THEMIS: variants seen among roughly 807,000 people sequenced by gnomAD.
The protein encoded by THEMIS is protein THEMIS.
Under a neutral mutation model 52.6 loss-of-function variants are expected in THEMIS, and 37 were observed. The ratio of observed to expected loss-of-function variants is 0.70; its 90% CI spans 0.54 to 0.93. The LOEUF is 0.93. THEMIS is among the 40% of genes least tolerant of loss of function. THEMIS has a pLI of 0.00. For missense variants in THEMIS, 808 were observed against 763.1 expected, an observed-to-expected ratio of 1.06 and a Z score of -0.69; for synonymous variants, 292 against 272.7, an observed-to-expected ratio of 1.07 and a Z score of -0.70.
intron 2 of THEMIS, among the ~76,000 whole-genome samples, chr6:127,843,442 A>G (rs1779116850): frequency 6.6e-6 from 1 of 152,040 alleles, no homozygotes. Flanking sequence ...GAGATGTACT[A>G]TAAGTGGAAA....
intron 4 of THEMIS, among the ~76,000 whole-genome samples, chr6:127,787,436 C>T (rs1562257369): frequency 6.6e-6 from 1 of 152,190 alleles, no homozygotes; most frequent in Non-Finnish European, 1.5e-5. Flanking sequence ...CACTCTGCTG[C>T]ACCCATGTCA....
chr6:127,711,538 T>G (rs558162650), intron 5 of THEMIS, among the ~76,000 whole-genome samples: 1 of 152,082 alleles, frequency 6.6e-6, no homozygotes, highest in East Asian at 1.9e-4. Flanking sequence ...GAACCTGGAT[T>G]GCATACTCTC....
chr6:127,848,843 A>G (rs2114259515), intron 2 of THEMIS, among the ~76,000 whole-genome samples: 1 of 152,254 alleles, frequency 6.6e-6, no homozygotes, highest in East Asian at 1.9e-4. Flanking sequence ...TCAGATGAGT[A>G]GATTGCAAAA....
intron 3 of THEMIS, among the ~76,000 whole-genome samples, chr6:127,825,643 TTA>T (rs1483695938): frequency 6.6e-6 from 1 of 152,162 alleles, no homozygotes; most frequent in African/African-American, 2.4e-5. Context: ...ATCACCAGGA[TTA>T]TTTTAAATGG....
intron 1 of THEMIS, among the ~76,000 whole-genome samples, chr6:127,857,882 C>A (rs1779670338): frequency 6.6e-6 from 1 of 151,944 alleles, no homozygotes; most frequent in Admixed American, 6.6e-5. Context: ...AAGCACTGGG[C>A]ATCATTGAGT....
chr6:127,914,102 T>A (rs1781468919), intron 1 of THEMIS, among the ~76,000 whole-genome samples: 1 of 152,202 alleles, frequency 6.6e-6, no homozygotes, highest in Non-Finnish European at 1.5e-5. Flanking sequence ...ATAACCTGAA[T>A]GTAATTTTAT....
At chr6:127,776,470 A>G (rs1776567988) in intron 4 of THEMIS, among the ~76,000 whole-genome samples, 1 of 152,224 alleles carries the variant, frequency 6.6e-6, no homozygotes, top group Non-Finnish European at 1.5e-5. Flanking sequence ...GGCTCATGTG[A>G]CTGACCTGGA....
downstream of THEMIS, among the ~76,000 whole-genome samples, chr6:127,704,215 G>A (rs538267137): frequency 6.6e-6 from 1 of 152,246 alleles, no homozygotes; most frequent in Admixed American, 6.5e-5. Flanking sequence ...AGGCTTTTGG[G>A]GTTGGATAGG....
intron 4 of THEMIS, among the ~76,000 whole-genome samples, chr6:127,757,673 C>T (rs1041034825): frequency 2.0e-5 from 3 of 151,970 alleles, no homozygotes; most frequent in Non-Finnish European, 4.4e-5. Flanking sequence ...TTAGTAGAGA[C>T]GGGGTTTCAC....
chr6:127,748,907 CAGA>C (rs1775540847), intron 4 of THEMIS, among the ~76,000 whole-genome samples: 2 of 151,924 alleles, frequency 1.3e-5, no homozygotes, highest in African/African-American at 2.4e-5. Context: ...GATTAAAAGC[CAGA>C]AGATGTGAGC....
chr6:127,819,747 T>C (rs1364629638), intron 3 of THEMIS, among the ~76,000 whole-genome samples: 1 of 152,102 alleles, frequency 6.6e-6, no homozygotes, highest in African/African-American at 2.4e-5. Flanking sequence ...ATTCAGGGAA[T>C]TTGTCACCAG....
intron 4 of THEMIS, among the ~76,000 whole-genome samples, chr6:127,794,526 G>A (rs914293645): frequency 6.6e-6 from 1 of 152,156 alleles, no homozygotes; most frequent in Non-Finnish European, 1.5e-5. Context: ...CAGGGTCTTA[G>A]TATGTTGTCC....
In THEMIS at chr6:127,709,851, T is replaced by C; in HGVS notation, c.*134A>G. ...TATCTGTTAAAAGTTTTAAGGTTGT[T>C]CTTTCCTTTGCAGCGATGAATCAAG... On this transcript the variant is annotated 3_prime_UTR_variant, in exon 6 of 6. Transcript: ENST00000368248. 1.4e-6 allele frequency: 1 copy of C among 725,472 alleles called. No homozygotes were observed. Among genetic ancestry groups the C allele is most frequent in the Non-Finnish European group, 2.3e-6 (1 of 442,086 alleles). The allele number at this position is 725,472 out of a possible 1,614,324, so 44.9% of individuals were successfully genotyped here. A position where few individuals can be genotyped will look rare whatever the true frequency, so the allele number is the denominator to read the frequency against.
At chr6:127,784,659 T>C (rs991819547) in intron 4 of THEMIS, among the ~76,000 whole-genome samples, 1 of 152,150 alleles carries the variant, frequency 6.6e-6, no homozygotes, top group East Asian at 1.9e-4. Flanking sequence ...CTTTTGTTTT[T>C]TAATGTCATG....
chr6:127,716,396 G>A (rs1016975337), intron 5 of THEMIS, among the ~76,000 whole-genome samples: 8 of 151,616 alleles, frequency 5.3e-5, no homozygotes, highest in African/African-American at 1.7e-4. Context: ...AAATGGCTGC[G>A]CCCTTGGCTG....
At chr6:127,903,206 T>A (rs1190866113), upstream of THEMIS, among the ~76,000 whole-genome samples, 2 of 152,018 alleles carry the variant, frequency 1.3e-5, no homozygotes, top group African/African-American at 4.8e-5. Flanking sequence ...TTGCTCTATA[T>A]CCCCACTGCT....
chr6:127,833,911 G>C (rs1423780937), intron 2 of THEMIS, among the ~76,000 whole-genome samples: 1 of 152,030 alleles, frequency 6.6e-6, no homozygotes, highest in Non-Finnish European at 1.5e-5. Flanking sequence ...ATAATAACAA[G>C]GATGTTTAAG....
chr6:127,910,502 T>A (rs2114528943), intron 1 of THEMIS, among the ~76,000 whole-genome samples: 1 of 152,278 alleles, frequency 6.6e-6, no homozygotes, highest in South Asian at 2.1e-4. Context: ...ATTTCCAGAA[T>A]AAAGCTCTCT....
At chr6:127,764,746 A>G (rs1053338163) in intron 4 of THEMIS, among the ~76,000 whole-genome samples, 2 of 151,730 alleles carry the variant, frequency 1.3e-5, no homozygotes, top group African/African-American at 2.4e-5. Flanking sequence ...GAGTATCTTT[A>G]TTTTCTTATC....
Sources: allele counts gnomAD v4.1 joint callset (sites outside exome capture counted in the v4.1 genomes callset), GRCh38; gene constraint gnomAD v4.1.1; transcripts MANE v1.5; gene names NCBI Gene and HGNC (gene_info 2026-07-23, HGNC 2026-07-21).